The following SNX9 variants were observed in gnomAD, a reference collection of about 807,000 sequenced individuals.
SNX9 encodes sorting nexin-9.
Under a neutral mutation model 89.4 loss-of-function variants are expected in SNX9, and 44 were observed. The observed-to-expected ratio is 0.49, with a 90% CI of 0.39 to 0.63. The LOEUF (loss-of-function observed/expected upper bound fraction) is 0.63. SNX9 is among the 30% of genes least tolerant of loss of function. The pLI, the probability that SNX9 is intolerant of heterozygous loss-of-function variation, is 0.00. For synonymous variants in SNX9, 236 were observed against 247.8 expected, an observed-to-expected ratio of 0.95 and a Z score of 0.45; for missense variants, 578 against 736.1, an observed-to-expected ratio of 0.79 and a Z score of 2.49.
chr6:157,844,088 T>C (rs944601675), intron 1 of SNX9, among the ~76,000 whole-genome samples: 1 of 152,088 alleles, frequency 6.6e-6, no homozygotes, highest in Non-Finnish European at 1.5e-5. Context: ...TTGGCCTGGC[T>C]GGTCTCGAAC....
intron 6 of SNX9, 53 bp downstream of exon 6, chr6:157,902,098 A>G: frequency 6.4e-7 from 1 of 1,566,630 alleles, no homozygotes; most frequent in East Asian, 2.3e-5. Context: ...GTATACATTA[A>G]TACAAAGTAT....
chr6:157,869,345 G>A (rs188442951), intron 2 of SNX9, among the ~76,000 whole-genome samples: 30 of 152,226 alleles, frequency 2.0e-4, no homozygotes, highest in African/African-American at 7.0e-4. Context: ...AGCCTCAGAG[G>A]AGGCCAGACA....
At position 157,873,099 on chromosome 6, in the gene SNX9, T is replaced by C. The variant is rs767604822; in HGVS notation, c.100-3T>C. 2 of 1,575,228 alleles carry C rather than the reference T, an allele frequency of 1.3e-6. No homozygotes were observed. Among genetic ancestry groups the C allele is most frequent in the South Asian group, 1.2e-5 (1 of 82,988 alleles). On this transcript the variant is annotated splice_region_variant and splice_polypyrimidine_tract_variant and intron_variant, in intron 2 of 17. Transcript: ENST00000392185. ...TTTTTTTTTTTTTTTGGTGACTTAT[T>C]AGGATGTAGGTGGAGGATGGCTGGA...
chr6:157,933,778 G>C (rs961636584), intron 13 of SNX9, among the ~76,000 whole-genome samples: 2 of 152,186 alleles, frequency 1.3e-5, no homozygotes, highest in Non-Finnish European at 2.9e-5. Flanking sequence ...CCATCATGAT[G>C]GCCCGGCTCC....
rs1268632641 is a variant in SNX9 at position 157,823,886 on chromosome 6, G to A, written c.12+440G>A. On this transcript the variant is annotated intron_variant, in intron 1 of 17. Coordinates refer to ENST00000392185, the MANE Select transcript of SNX9 (RefSeq NM_016224.5). This position sits in a 1 kb window ranked among gnomAD's most constrained non-coding sequence, Gnocchi z 4.6. ...CCGCCTGGGGGACCCTCGCCCCCGC[G>A]GGGCGGGTGGGGGTCGAGACCTCGG... is the stretch of plus-strand genomic sequence containing the variant. 1.3e-5 allele frequency among the ~76,000 whole-genome samples: 2 copies of A among 152,134 alleles called. No homozygotes were observed. The highest frequency in any genetic ancestry group is 2.9e-5 in the Non-Finnish European group (2 of 67,960).
chr6:157,886,010 G>A (rs1477249153), intron 4 of SNX9, among the ~76,000 whole-genome samples: 3 of 152,062 alleles, frequency 2.0e-5, no homozygotes, highest in South Asian at 2.1e-4. Context: ...GCCCTCCTTC[G>A]AGGCCTGATG....
At chr6:157,925,816 G>C (rs1316963000) in intron 10 of SNX9, among the ~76,000 whole-genome samples, 1 of 152,080 alleles carries the variant, frequency 6.6e-6, no homozygotes, top group African/African-American at 2.4e-5. Flanking sequence ...TTGTGCTGCT[G>C]TAACAAAATA....
At chr6:157,867,729 T>C in intron 2 of SNX9, 96 bp downstream of exon 2, 1 of 968,016 alleles carries the variant, frequency 1.0e-6, no homozygotes, top group Non-Finnish European at 1.5e-6. Flanking sequence ...GATTGTCCCA[T>C]GTGGACTTAT....
chr6:157,854,373 A>G (rs1477876869), intron 1 of SNX9, among the ~76,000 whole-genome samples: 1 of 152,230 alleles, frequency 6.6e-6, no homozygotes, highest in African/African-American at 2.4e-5. Context: ...GTGATAAAGA[A>G]CAAAGTAGCT....
intron 12 of SNX9, among the ~76,000 whole-genome samples, chr6:157,931,831 G>A (rs1783815436): frequency 6.6e-6 from 1 of 152,232 alleles, no homozygotes; most frequent in African/African-American, 2.4e-5. Flanking sequence ...TCCTCAGCAT[G>A]AGGATGGTGT....
In SNX9 at chr6:157,942,887, G is replaced by A; in HGVS notation, c.*49G>A. On this transcript the variant is annotated 3_prime_UTR_variant, in exon 18 of 18. Transcript: ENST00000392185. ...TGCCGCGTGCTTTCTCCTGACTTGGGGCAATGCAATTCAAAACTTTTTTTC... is the reference window on the plus strand; with the variant it reads ...TGCCGCGTGCTTTCTCCTGACTTGGAGCAATGCAATTCAAAACTTTTTTTC... 6.5e-7 allele frequency: 1 copy of A among 1,543,044 alleles called. No individual in the cohort carries two copies. Among genetic ancestry groups the A allele is most frequent in the Non-Finnish European group, 8.8e-7 (1 of 1,140,026 alleles).
chr6:157,903,748 G>A (rs1472892193), intron 6 of SNX9, among the ~76,000 whole-genome samples: 2 of 146,726 alleles, frequency 1.4e-5, no homozygotes, highest in Admixed American at 6.7e-5. Context: ...CTTGCTCTCT[G>A]ATTTGCTTAT....
chr6:157,902,577 G>A (rs898893918), intron 6 of SNX9, among the ~76,000 whole-genome samples: 1 of 152,118 alleles, frequency 6.6e-6, no homozygotes, highest in African/African-American at 2.4e-5. Context: ...GCCAAAGCAC[G>A]TGTTTCAGCT....
At chr6:157,836,685 G>C (rs147910141) in intron 1 of SNX9, among the ~76,000 whole-genome samples, 2,262 of 151,980 alleles carry the variant, frequency 0.015, 28 homozygotes, top group Non-Finnish European at 0.02. Flanking sequence ...CCGCCTCCCA[G>C]GTTCACGCCA....
At chr6:157,855,600 T>C (rs73792150) in intron 1 of SNX9, among the ~76,000 whole-genome samples, 15 of 152,362 alleles carry the variant, frequency 9.8e-5, no homozygotes, top group African/African-American at 2.6e-4. Context: ...TTTTATATTC[T>C]TTTCTGAGTA....
intron 11 of SNX9, among the ~76,000 whole-genome samples, chr6:157,928,015 T>A (rs1783731747): frequency 6.6e-6 from 1 of 152,098 alleles, no homozygotes; most frequent in Admixed American, 6.5e-5. Flanking sequence ...GTCTCCCAAA[T>A]CCTCCTCTGT....
rs1207090413 is a variant in SNX9 at position 157,875,067 on chromosome 6, G to C, written c.191G>C (p.Gly64Ala). Residue 64 changes from glycine to alanine, a missense_variant, in exon 4 of 18, where the codon GGA (glycine) becomes GCA (alanine). Physicochemically the swap from Gly to Ala is moderately conservative, Grantham distance 60. Coordinates refer to ENST00000392185, the MANE Select transcript of SNX9 (RefSeq NM_016224.5). ...CCTATTCAGATTTTACCCAGTGATGGAAAAGATCAATTTTCTTGTGGAAAT... is the reference window on the plus strand; with the variant it reads ...CCTATTCAGATTTTACCCAGTGATGCAAAAGATCAATTTTCTTGTGGAAAT... ...TDYVEILPSD[G>A]KDQFSCGNSV... 1.2e-6 allele frequency: 2 copies of C among 1,613,714 alleles called. No individual in the cohort carries two copies. The highest frequency in any genetic ancestry group is 2.7e-5 in the African/African-American group (2 of 74,886).
In SNX9 at chr6:157,901,971, G is replaced by C. The variant is rs1783107354; in HGVS notation, c.546G>C (p.Glu182Asp). Residue 182 changes from glutamate (E) to aspartate (D), a missense_variant, in exon 6 of 18, where the codon GAG (glutamate) becomes GAC (aspartate). Transcript: ENST00000392185. ...CCTCTTCCTACTTTAAGGATTCAGA[G>C]TCAGCTGATGCAGGCGGCGCTCAGC... Reference protein sequence around the residue: ...PKSSSYFKDSESADAGGAQRG... With the variant: ...PKSSSYFKDSDSADAGGAQRG... 6.2e-7 allele frequency: 1 copy of C among 1,613,352 alleles called. No homozygotes were observed. Among genetic ancestry groups the C allele is most frequent in the African/African-American group, 1.3e-5 (1 of 74,702 alleles).
Position 157,930,395 on chromosome 6 carries a change from A to G in SNX9, c.1288+1693A>G, listed in dbSNP as rs189660196. 2.0e-4 allele frequency among the ~76,000 whole-genome samples: 30 copies of G among 152,330 alleles called. No homozygotes were observed. In the East Asian group the frequency reaches 5.0e-3, roughly 25 times the overall value. The stretch of plus-strand genomic sequence containing the variant: ...AAAACAAAACCTGTGTCAAGACTTT[A>G]GTCATAGAGGATGACTCAGGAACAA... On this transcript the variant is annotated intron_variant, in intron 12 of 17. Coordinates refer to ENST00000392185, the MANE Select transcript of SNX9 (RefSeq NM_016224.5).
Sources: gnomAD v4.1 joint callset for allele counts (sites outside exome capture counted in the v4.1 genomes callset) on GRCh38, gnomAD v4.1.1 for gene constraint, Gnocchi (gnomAD v3.1) non-coding constraint, MANE v1.5 for transcripts, NCBI Gene and HGNC (gene_info 2026-07-23, HGNC 2026-07-21) for gene names.